The following LARGE1 variants were observed in gnomAD, a reference collection of about 807,000 sequenced individuals.
LARGE1 encodes the protein LARGE xylosyl- and glucuronyltransferase 1.
A neutral mutation model predicts 87.6 loss-of-function variants in LARGE1; 43 were observed. The ratio of observed to expected loss-of-function variants is 0.49; its 90% CI spans 0.38 to 0.63. The LOEUF (loss-of-function observed/expected upper bound fraction) is 0.63, where lower values mean the gene tolerates loss of function less well. Ranked by LOEUF, LARGE1 falls within the 30% of genes least tolerant of loss-of-function variation. The pLI, the probability that LARGE1 is intolerant of heterozygous loss-of-function variation, is 0.00. For missense variants in LARGE1, 802 were observed against 1,000.2 expected (o/e 0.80, Z 2.67); for synonymous variants, 434 against 394.6 (o/e 1.10, Z -1.18).
At chr22:33,315,923 C>T (rs553434551) in intron 11 of LARGE1, among the ~76,000 whole-genome samples, 162 bp downstream of exon 11, 7 of 152,256 alleles carry the variant, frequency 4.6e-5, no homozygotes, top group African/African-American at 7.2e-5. Context: ...CCACCGTGCC[C>T]GGCCCAGGCT....
the LARGE1 span, among the ~76,000 whole-genome samples, chr22:33,107,144 C>G: frequency 6.6e-6 from 1 of 152,236 alleles, no homozygotes; most frequent in Non-Finnish European, 1.5e-5. Context: ...TACTCTCTCT[C>G]TCAGATTCAC....
intron 9 of LARGE1, among the ~76,000 whole-genome samples, chr22:33,374,550 G>T (rs1209991007): frequency 6.6e-6 from 1 of 152,080 alleles, no homozygotes; most frequent in Non-Finnish European, 1.5e-5. Context: ...ATCTTTGGCA[G>T]GTTTCCATGA....
At chr22:33,428,946 A>C (rs1488719588) in intron 7 of LARGE1, among the ~76,000 whole-genome samples, 18 of 107,294 alleles carry the variant, frequency 1.7e-4, no homozygotes, top group Non-Finnish European at 3.3e-4. Context: ...AAAGAAACAA[A>C]AAAAAAAAAA....
At chr22:33,723,126 C>T (rs1056347039) in intron 2 of LARGE1, among the ~76,000 whole-genome samples, 1 of 152,076 alleles carries the variant, frequency 6.6e-6, no homozygotes, top group Non-Finnish European at 1.5e-5. Flanking sequence ...GAAAGCAAAG[C>T]CAAAGGGGTC....
At chr22:33,580,252 C>A (rs922143549) in intron 5 of LARGE1, among the ~76,000 whole-genome samples, 1 of 152,048 alleles carries the variant, frequency 6.6e-6, no homozygotes, top group Non-Finnish European at 1.5e-5. Flanking sequence ...TGCCTGTAAT[C>A]CCAGTTACTT....
intron 1 of LARGE1, among the ~76,000 whole-genome samples, chr22:33,886,964 C>T (rs1158599094): frequency 6.6e-6 from 1 of 152,072 alleles, no homozygotes; most frequent in African/African-American, 2.4e-5. Context: ...CCTCGCAGGG[C>T]TTTACAAATA....
chr22:33,874,767 G>T (rs2064412333), intron 1 of LARGE1, among the ~76,000 whole-genome samples: 1 of 152,096 alleles, frequency 6.6e-6, no homozygotes, highest in African/African-American at 2.4e-5. Flanking sequence ...GTTAAACATG[G>T]AATAATAAAG....
intron 2 of LARGE1, among the ~76,000 whole-genome samples, chr22:33,656,167 T>C (rs544637912): frequency 6.6e-6 from 1 of 152,064 alleles, no homozygotes; most frequent in Non-Finnish European, 1.5e-5. Flanking sequence ...GATAAAGACA[T>C]AGCCGAGACT....
At chr22:33,309,307 C>T (rs1935298637) in intron 11 of LARGE1, among the ~76,000 whole-genome samples, 1 of 152,140 alleles carries the variant, frequency 6.6e-6, no homozygotes, top group African/African-American at 2.4e-5. Flanking sequence ...GCTGGGATTA[C>T]AGGTGTGCAC....
At chr22:33,534,714 G>A (rs567737792) in intron 6 of LARGE1, among the ~76,000 whole-genome samples, 44 of 152,308 alleles carry the variant, frequency 2.9e-4, no homozygotes, top group African/African-American at 9.4e-4. Context: ...CTGGGTTTGG[G>A]GAGAGGATGG....
intron 6 of LARGE1, among the ~76,000 whole-genome samples, chr22:33,471,319 C>T (rs904346530): frequency 6.6e-6 from 1 of 152,114 alleles, no homozygotes; most frequent in Non-Finnish European, 1.5e-5. Context: ...GCCAGGATTA[C>T]AGGCATGAGC....
the LARGE1 span, among the ~76,000 whole-genome samples, chr22:33,092,610 T>G: frequency 6.6e-6 from 1 of 152,158 alleles, no homozygotes; most frequent in African/African-American, 2.4e-5. Flanking sequence ...CCTGATGTTC[T>G]CCCTCCCCCT....
chr22:33,823,026 T>A (rs7285567), intron 1 of LARGE1, among the ~76,000 whole-genome samples: 49,153 of 152,072 alleles, frequency 0.32, 9,400 homozygotes, highest in African/African-American at 0.52. Context: ...CCTATACACC[T>A]ACCACAGATG....
In LARGE1 at chr22:33,836,091, C is replaced by T. The variant is rs542735648; in HGVS notation, c.-82-74533G>A. Among the ~76,000 whole-genome samples the T allele has an allele frequency of 9.8e-5, 15 of 152,296 alleles. No homozygotes were observed. The South Asian group carries it at 1.5e-3, about 15-fold the overall frequency. ...ATTTCAAGAGACTGTCAAAGGGATCCGTGACCAGGAAAGGTTGACAGTGAC... is the reference window on the plus strand; with the variant it reads ...ATTTCAAGAGACTGTCAAAGGGATCTGTGACCAGGAAAGGTTGACAGTGAC... On this transcript the variant is annotated intron_variant, in intron 1 of 14. Transcript: ENST00000397394.
chr22:33,580,301 C>A (rs547935124), intron 5 of LARGE1, among the ~76,000 whole-genome samples: 1 of 150,972 alleles, frequency 6.6e-6, no homozygotes, highest in Non-Finnish European at 1.5e-5. Flanking sequence ...ACCCAGGTGG[C>A]GGAGGTTGCG....
Position 33,823,914 on chromosome 22 carries a change from C to A in LARGE1, c.-82-62356G>T, listed in dbSNP as rs182428973. ...ACCACCCCACAGCCCAGTGATGGTT[C>A]ATTCCTCATTTGCCCTGTTAAGTGT... is the stretch of plus-strand genomic sequence containing the variant. On this transcript the variant is annotated intron_variant, in intron 1 of 14. Coordinates refer to ENST00000397394, the MANE Select transcript of LARGE1 (RefSeq NM_133642.5). Among the ~76,000 whole-genome samples, 35 of 152,290 alleles carry A rather than the reference C, an allele frequency of 2.3e-4. 1 individual carries two copies. The East Asian group carries it at 6.6e-3, about 29-fold the overall frequency.
the LARGE1 span, among the ~76,000 whole-genome samples, chr22:33,118,684 T>C: frequency 1.3e-5 from 2 of 152,150 alleles, no homozygotes; most frequent in Non-Finnish European, 2.9e-5. Context: ...TTTGCACATG[T>C]GACTCATAAG....
chr22:33,467,160 C>T (rs913571371), intron 6 of LARGE1, among the ~76,000 whole-genome samples: 3 of 152,156 alleles, frequency 2.0e-5, no homozygotes, highest in Admixed American at 2.0e-4. Context: ...AGAGTGAGGG[C>T]ATTCCCTCTT....
intron 11 of LARGE1, among the ~76,000 whole-genome samples, chr22:33,307,593 C>A (rs1015318808): frequency 6.6e-6 from 1 of 152,100 alleles, no homozygotes; most frequent in Admixed American, 6.5e-5. Context: ...TCACCTAATA[C>A]ATATTTGTTA....
Sources: gnomAD v4.1 joint callset for allele counts (sites outside exome capture counted in the v4.1 genomes callset) on GRCh38, gnomAD v4.1.1 for gene constraint, MANE v1.5 for transcripts, NCBI Gene and HGNC (gene_info 2026-07-23, HGNC 2026-07-21) for gene names.